The following WAC variants were observed in gnomAD, a reference collection of about 807,000 sequenced individuals.
The protein encoded by WAC is WW domain containing adaptor with coiled-coil, also known as WW domain-containing adapter protein with coiled-coil.
In WAC, 11 loss-of-function variants were observed where a neutral mutation model predicts 79.6. The observed-to-expected ratio is 0.14, with a 90% CI of 0.09 to 0.23. The LOEUF (loss-of-function observed/expected upper bound fraction) is 0.23, where lower values mean the gene tolerates loss of function less well. Ranked by LOEUF, WAC falls within the 10% of genes least tolerant of loss-of-function variation. The pLI is 1.00. For synonymous variants in WAC, 304 were observed against 276.9 expected (o/e 1.10, Z -0.97); for missense variants, 728 against 773.5 (o/e 0.94, Z 0.70).
intron 3 of WAC, among the ~76,000 whole-genome samples, chr10:28,557,890 T>C (rs1838082224): frequency 6.6e-6 from 1 of 151,928 alleles, no homozygotes; most frequent in Non-Finnish European, 1.5e-5. Context: ...CTGGCTAACA[T>C]TGTGAAACCT....
chr10:28,607,515 T>C (rs1484574557), intron 7 of WAC, among the ~76,000 whole-genome samples: 3 of 152,224 alleles, frequency 2.0e-5, no homozygotes, highest in African/African-American at 7.2e-5. Flanking sequence ...TATTTCTAAA[T>C]ACTATGAGGT....
At chr10:28,613,416 A>G (rs1246659050) in intron 10 of WAC, among the ~76,000 whole-genome samples, 1 of 152,150 alleles carries the variant, frequency 6.6e-6, no homozygotes. Context: ...AGGTAGGAGA[A>G]TCACCTGCGC....
intron 3 of WAC, among the ~76,000 whole-genome samples, chr10:28,563,998 T>C (rs1838455667): frequency 6.6e-6 from 1 of 152,048 alleles, no homozygotes; most frequent in African/African-American, 2.4e-5. Context: ...AGAAAAAGGC[T>C]GGGTGTGGTG....
In WAC at chr10:28,590,752, C is replaced by T; in HGVS notation, c.530C>T (p.Ala177Val). 1.2e-6 allele frequency: 2 copies of T among 1,610,186 alleles called. No homozygotes were observed. Among genetic ancestry groups the T allele is most frequent in the Non-Finnish European group, 1.7e-6 (2 of 1,178,740 alleles). Residue 177 changes from alanine to valine, a missense_variant, in exon 6 of 14, where the codon GCA becomes GTA. Ala to Val is a moderately conservative substitution (Grantham distance 64). Around this residue, in one of 3 missense-constraint regions of WAC, gnomAD observed 648 missense variants for 661.5 expected, o/e 0.98. Transcript: ENST00000354911. ...AGACAAAAAGAAGCAAACAAGATGG[C>T]AGTCAACAGCTTCCCAAAAGATAGG... The part of the protein sequence containing the change: ...EQRQKEANKM[A>V]VNSFPKDRDY...
chr10:28,551,281 A>AT (rs1837653003), intron 3 of WAC, among the ~76,000 whole-genome samples: 2 of 152,114 alleles, frequency 1.3e-5, no homozygotes, highest in African/African-American at 4.8e-5. Flanking sequence ...TTATGTTGTG[A>AT]TTTTATTCCT....
intron 3 of WAC, among the ~76,000 whole-genome samples, chr10:28,536,383 T>C (rs900398302): frequency 2.6e-5 from 4 of 152,176 alleles, no homozygotes; most frequent in African/African-American, 4.8e-5. Flanking sequence ...TTTTAAAGAT[T>C]TCAGTTTGAG....
chr10:28,553,114 A>G (rs1380456953), intron 3 of WAC, among the ~76,000 whole-genome samples: 1 of 152,078 alleles, frequency 6.6e-6, no homozygotes, highest in Admixed American at 6.5e-5. Context: ...TATTTTCATC[A>G]GTATATAGAG....
chr10:28,613,378 A>C (rs1213909136), intron 10 of WAC, among the ~76,000 whole-genome samples: 1 of 152,192 alleles, frequency 6.6e-6, no homozygotes, highest in Non-Finnish European at 1.5e-5. Flanking sequence ...TTTCTTGGGC[A>C]TGGTGATGTG....
intron 6 of WAC, among the ~76,000 whole-genome samples, chr10:28,592,061 C>A (rs1840120050): frequency 6.6e-6 from 1 of 152,046 alleles, no homozygotes; most frequent in African/African-American, 2.4e-5. Context: ...CAGTAACATA[C>A]ATCTGCAGGA....
chr10:28,569,285 C>T (rs1322275823), intron 3 of WAC, among the ~76,000 whole-genome samples: 1 of 152,040 alleles, frequency 6.6e-6, no homozygotes, highest in African/African-American at 2.4e-5. Context: ...CGTTCTTGTG[C>T]CTGGTGGTAA....
chr10:28,548,987 C>T (rs1006031146), intron 3 of WAC, among the ~76,000 whole-genome samples: 6 of 152,120 alleles, frequency 3.9e-5, no homozygotes, highest in Non-Finnish European at 7.4e-5. Flanking sequence ...CTCAAAAAAA[C>T]TCCTGGGCTC....
chr10:28,619,811 A>G lies in WAC; in HGVS notation c.*205A>G, dbSNP rs1339042747. On this transcript the variant is annotated 3_prime_UTR_variant, in exon 14 of 14. Coordinates refer to ENST00000354911, the MANE Select transcript of WAC (RefSeq NM_016628.5). ...CCCTTGAAATGTAGATTTCTTGTAGATGTATCCTTCACGTTGTAAATATGT... is the reference window on the plus strand; with the variant it reads ...CCCTTGAAATGTAGATTTCTTGTAGGTGTATCCTTCACGTTGTAAATATGT... The G allele has an allele frequency of 1.8e-5, 8 of 456,822 alleles. No homozygotes were observed. The Admixed American group carries it at 3.0e-4, about 17-fold the overall frequency. The allele number at this position is 456,822 out of a possible 1,614,324, so 28.3% of individuals were successfully genotyped here. A position where few individuals can be genotyped will look rare whatever the true frequency, so the allele number is the denominator to read the frequency against.
chr10:28,581,238 C>CTTTTTTTTTTT (rs71391053), intron 3 of WAC, among the ~76,000 whole-genome samples: 1 of 66,088 alleles, frequency 1.5e-5, no homozygotes, highest in Non-Finnish European at 2.8e-5. Flanking sequence ...ATGAGCGATT[C>CTTTTTTTTTTT]TTTTTTTTTT....
rs2232790 is a variant in WAC at position 28,608,158 on chromosome 10, T to C, written c.920-28T>C. 28 of 1,611,246 alleles carry C rather than the reference T, an allele frequency of 1.7e-5. No homozygotes were observed. In the South Asian group the frequency reaches 2.7e-4, roughly 16 times the overall value. ...TTCCAATTTTCTCTATTCAGGTAAT[T>C]TTTCAGGCTGATTATCTTTTTATTT... is the stretch of plus-strand genomic sequence containing the variant. On this transcript the variant is annotated intron_variant, in intron 7 of 13. Coordinates refer to ENST00000354911, the MANE Select transcript of WAC (RefSeq NM_016628.5).
intron 4 of WAC, 75 bp from the exon 5 acceptor site, chr10:28,589,661 T>C: frequency 5.3e-6 from 5 of 942,074 alleles, no homozygotes; most frequent in Non-Finnish European, 8.2e-6. Flanking sequence ...CCTGTATGTG[T>C]GCTTTGATGT....
chr10:28,567,627 C>T (rs1838721341), intron 3 of WAC, among the ~76,000 whole-genome samples: 1 of 152,164 alleles, frequency 6.6e-6, no homozygotes, highest in East Asian at 1.9e-4. Context: ...CAAAAAAAGG[C>T]AGTTTATTGG....
intron 3 of WAC, among the ~76,000 whole-genome samples, chr10:28,569,535 G>A (rs139097253): frequency 2.8e-4 from 42 of 152,316 alleles, no homozygotes; most frequent in African/African-American, 9.4e-4. Flanking sequence ...TTGTTTGTCG[G>A]CATTTTGCAG....
At chr10:28,550,664 T>G (rs957579818) in intron 3 of WAC, among the ~76,000 whole-genome samples, 37 of 152,120 alleles carry the variant, frequency 2.4e-4, no homozygotes, top group African/African-American at 8.9e-4. Flanking sequence ...CCCTCAAACT[T>G]TTAAGTGCAT....
intron 3 of WAC, among the ~76,000 whole-genome samples, chr10:28,551,885 C>T (rs1293058267): frequency 2.7e-5 from 4 of 147,698 alleles, no homozygotes; most frequent in Non-Finnish European, 5.9e-5. Flanking sequence ...AGTGCAGTGG[C>T]ACGATCTCGG....
Sources: gnomAD v4.1 joint callset for allele counts (sites outside exome capture counted in the v4.1 genomes callset) on GRCh38, gnomAD v4.1.1 for gene constraint, gnomAD v4.1.1 regional missense constraint, MANE v1.5 for transcripts, NCBI Gene and HGNC (gene_info 2026-07-23, HGNC 2026-07-21) for gene names.